TRIP12: variants seen among roughly 807,000 people sequenced by gnomAD.
The protein encoded by TRIP12 is thyroid hormone receptor interactor 12.
A neutral mutation model predicts 244.2 loss-of-function variants in TRIP12; 25 were observed. The ratio of observed to expected loss-of-function variants is 0.10; its 90% confidence interval spans 0.07 to 0.14. The LOEUF is 0.14. TRIP12 is among the 10% of genes least tolerant of loss of function. The pLI is 1.00. For missense variants in TRIP12, 1,677 were observed against 2,486.4 expected (o/e 0.67, Z 6.92); for synonymous variants, 905 against 873.1 (o/e 1.04, Z -0.64).
intron 2 of TRIP12, among the ~76,000 whole-genome samples, chr2:229,876,989 C>G (rs879070468): frequency 6.6e-6 from 1 of 152,056 alleles, no homozygotes; most frequent in South Asian, 2.1e-4. Context: ...AGCCACCATG[C>G]TCGGCCTTAC....
At chr2:229,842,921 G>C (rs2056793588) in intron 4 of TRIP12, among the ~76,000 whole-genome samples, 1 of 151,980 alleles carries the variant, frequency 6.6e-6, no homozygotes, top group African/African-American at 2.4e-5. Flanking sequence ...TATACTTATT[G>C]TGAGTGGTTC....
At chr2:229,913,679 A>G (rs1300653624) in intron 1 of TRIP12, among the ~76,000 whole-genome samples, 5 of 152,202 alleles carry the variant, frequency 3.3e-5, no homozygotes, top group Admixed American at 3.3e-4. Flanking sequence ...CGATGCTAAT[A>G]TTATTTCACA....
rs538324027 is a variant in TRIP12, at chr2:229,766,332, T to C, written c.*1222A>G. On this transcript the variant is annotated 3_prime_UTR_variant, in exon 42 of 42. Transcript: ENST00000675903. The stretch of plus-strand genomic sequence containing the variant: ...GTGGATTTCCTTGCATTGAAATACA[T>C]CTATACAATTGAAAGTTATGCATAC... 6.6e-6 allele frequency: 1 copy of C among 152,272 alleles called. No individual in the cohort carries two copies. Among genetic ancestry groups the C allele is most frequent in the East Asian group, 1.9e-4 (1 of 5,178 alleles). The allele number at this position is 152,272 out of a possible 1,614,324, so 9.4% of individuals were successfully genotyped here. A position where few individuals can be genotyped will look rare whatever the true frequency, so the allele number is the denominator to read the frequency against.
chr2:229,871,160 C>G (rs1576407346), intron 2 of TRIP12, among the ~76,000 whole-genome samples: 1 of 111,894 alleles, frequency 8.9e-6, no homozygotes. Flanking sequence ...GGCAACAGAG[C>G]AAGACACTGT....
Position 229,811,956 on chromosome 2 carries a change from C to T in TRIP12, c.1987-752G>A, listed in dbSNP as rs143016469. ...CTACATAAATCAAGAAAGAGTGCTA[C>T]AAATTGTGACTATTTAAGTTCTCTA... On this transcript the variant is annotated intron_variant, in intron 13 of 41. Transcript: ENST00000675903. Among the ~76,000 whole-genome samples the T allele has an allele frequency of 4.7e-4, 72 of 152,280 alleles. No homozygotes were observed. In the East Asian group the frequency reaches 0.011, roughly 24 times the overall value.
At chr2:229,884,219 T>C (rs974778762) in intron 1 of TRIP12, among the ~76,000 whole-genome samples, 1 of 150,100 alleles carries the variant, frequency 6.7e-6, no homozygotes, top group African/African-American at 2.4e-5. Context: ...CTAAAAACAT[T>C]TTGCAATTTT....
chr2:229,783,745 A>G (rs1391171156), intron 34 of TRIP12, among the ~76,000 whole-genome samples: 1 of 151,746 alleles, frequency 6.6e-6, no homozygotes, highest in Admixed American at 6.6e-5. Flanking sequence ...AACTTTTTGT[A>G]GACACTGGCA....
intron 2 of TRIP12, among the ~76,000 whole-genome samples, chr2:229,863,034 C>G (rs1303690672): frequency 6.6e-6 from 1 of 151,998 alleles, no homozygotes; most frequent in African/African-American, 2.4e-5. Flanking sequence ...TCAAGACCAG[C>G]CTGGCCAAGA....
chr2:229,870,920 T>C (rs1335047258), intron 2 of TRIP12, among the ~76,000 whole-genome samples: 2 of 152,132 alleles, frequency 1.3e-5, no homozygotes, highest in African/African-American at 4.8e-5. Context: ...ACACCTGTAA[T>C]CCTAGCACTA....
At position 229,789,903 on chromosome 2, in the gene TRIP12, G is replaced by C. The variant is rs769182007; in HGVS notation, c.4544-141C>G. ...AATCTTATTAGTAGGGTATTGATAA[G>C]TTTGACAATCTTCCCATTTTATCTT... On this transcript the variant is annotated intron_variant, in intron 30 of 41. Coordinates refer to ENST00000675903, the MANE Select transcript of TRIP12 (RefSeq NM_001348323.3). The C allele has an allele frequency of 1.9e-4, 170 of 889,990 alleles. 2 individuals carry two copies. The highest frequency in any genetic ancestry group is 3.3e-5 in the Non-Finnish European group (20 of 608,116). 55.1% of individuals were successfully genotyped at this position (889,990 alleles called of 1,614,324 possible). A position where few individuals can be genotyped will look rare whatever the true frequency, so the allele number is the denominator to read the frequency against.
At chr2:229,780,975 C>T (rs2037964659) in intron 34 of TRIP12, among the ~76,000 whole-genome samples, 2 of 152,218 alleles carry the variant, frequency 1.3e-5, no homozygotes, top group Admixed American at 1.3e-4. Context: ...AGTCAATTCT[C>T]CTTTTGGCAT....
chr2:229,867,197 A>C (rs2061705376), intron 2 of TRIP12, among the ~76,000 whole-genome samples: 2 of 127,012 alleles, frequency 1.6e-5, no homozygotes, highest in African/African-American at 2.9e-5. Context: ...ACAGATACTC[A>C]CTCTGTCACC....
intron 8 of TRIP12, among the ~76,000 whole-genome samples, chr2:229,820,757 T>C (rs907763804): frequency 6.6e-6 from 1 of 152,082 alleles, no homozygotes; most frequent in Non-Finnish European, 1.5e-5. Context: ...CGTGGCTAAT[T>C]TTTCTGTATT....
intron 1 of TRIP12, among the ~76,000 whole-genome samples, chr2:229,884,857 G>A (rs2065685660): frequency 6.6e-6 from 1 of 152,162 alleles, no homozygotes; most frequent in Non-Finnish European, 1.5e-5. Context: ...TGTGGTCCCA[G>A]CAACTCAGAA....
chr2:229,878,249 A>C (rs565493177), intron 2 of TRIP12, among the ~76,000 whole-genome samples: 11 of 152,220 alleles, frequency 7.2e-5, no homozygotes, highest in African/African-American at 2.6e-4. Flanking sequence ...CAGGAGTTTG[A>C]GATCAGCCTG....
Position 229,799,292 on chromosome 2 carries a change from C to T in TRIP12, c.3298G>A (p.Asp1100Asn). The change falls in exon 22 of 42, where the codon GAC becomes AAC. Residue 1100 changes from aspartate (D) to asparagine (N), a missense_variant. Coordinates refer to ENST00000675903, the MANE Select transcript of TRIP12 (RefSeq NM_001348323.3). Reference protein sequence around the residue: ...YSPPRDDDKVDNQAKSPTTTQ... With the variant: ...YSPPRDDDKVNNQAKSPTTTQ... ...TCATCAAAGGGGTTACCTTGATTGT[C>T]TACTTTGTCATCATCTCTTGGAGGT... is the stretch of plus-strand genomic sequence containing the variant. 1.2e-6 allele frequency: 2 copies of T among 1,614,174 alleles called. No individual in the cohort carries two copies. The highest frequency in any genetic ancestry group is 8.5e-7 in the Non-Finnish European group (1 of 1,180,014).
chr2:229,807,873 A>T lies in TRIP12; in HGVS notation c.2340-9T>A, dbSNP rs1402462961. 6.2e-7 allele frequency: 1 copy of T among 1,609,184 alleles called. No individual in the cohort carries two copies. The highest frequency in any genetic ancestry group is 1.3e-5 in the African/African-American group (1 of 74,744). On this transcript the variant is annotated splice_polypyrimidine_tract_variant and intron_variant, in intron 16 of 41. Transcript: ENST00000675903. ...AACATGGCATAAGTTCACTGAAAAC[A>T]AAAAGTACAATAATTTTAGTAACTT... is the stretch of plus-strand genomic sequence containing the variant.
intron 8 of TRIP12, among the ~76,000 whole-genome samples, chr2:229,828,948 A>G (rs2154297044): frequency 6.6e-6 from 1 of 152,332 alleles, no homozygotes; most frequent in South Asian, 2.1e-4. Flanking sequence ...CAGGTGCCAT[A>G]ATTATCAATG....
chr2:229,812,032 A>T (rs1472353821), intron 13 of TRIP12, among the ~76,000 whole-genome samples: 4 of 152,226 alleles, frequency 2.6e-5, no homozygotes, highest in African/African-American at 9.6e-5. Context: ...ATTATCACAT[A>T]ACAGAGAACA....
Sources: gnomAD v4.1 joint callset for allele counts (sites outside exome capture counted in the v4.1 genomes callset) on GRCh38, gnomAD v4.1.1 for gene constraint, MANE v1.5 for transcripts, NCBI Gene and HGNC (gene_info 2026-07-23, HGNC 2026-07-21) for gene names.